CFAP44: variants seen among roughly 807,000 people sequenced by gnomAD.
CFAP44 encodes cilia- and flagella-associated protein 44.
Under a neutral mutation model 216.2 loss-of-function variants are expected in CFAP44, and 134 were observed. That is an observed-to-expected ratio of 0.62 (90% CI 0.54 to 0.72). CFAP44 has a LOEUF of 0.72. Among genes scored for constraint, CFAP44 ranks in the 30% least tolerant of loss-of-function variants. CFAP44 has a pLI of 0.00. For missense variants in CFAP44, 2,035 were observed against 2,182.1 expected (o/e 0.93, Z 1.34); for synonymous variants, 700 against 727.6 (o/e 0.96, Z 0.61).
intron 17 of CFAP44, 111 bp downstream of exon 17, chr3:113,379,195 A>G: frequency 1.1e-6 from 1 of 874,196 alleles, no homozygotes; most frequent in Non-Finnish European, 1.6e-6. Flanking sequence ...TCTAAAAAAA[A>G]ATAAATAGAT....
intron 22 of CFAP44, among the ~76,000 whole-genome samples, chr3:113,346,745 A>G (rs185660779): frequency 1.3e-5 from 2 of 152,358 alleles, no homozygotes; most frequent in Non-Finnish European, 2.9e-5. Context: ...ACCAATCAGC[A>G]CTCTGTAAAA....
At chr3:113,410,035 T>G (rs1402286562) in intron 6 of CFAP44, among the ~76,000 whole-genome samples, 1 of 152,232 alleles carries the variant, frequency 6.6e-6, no homozygotes. Context: ...ATCGACTCCT[T>G]GTTTAGCATA....
chr3:113,430,788 AC>A (rs1277458345), intron 2 of CFAP44, among the ~76,000 whole-genome samples: 1 of 152,198 alleles, frequency 6.6e-6, no homozygotes. Flanking sequence ...AAGAAATAAT[AC>A]CAATTCTACA....
intron 29 of CFAP44, among the ~76,000 whole-genome samples, chr3:113,307,698 G>T (rs1018811686): frequency 1.3e-5 from 2 of 152,194 alleles, no homozygotes; most frequent in Non-Finnish European, 2.9e-5. Context: ...AGCTAGGCAC[G>T]ATGGCTCACG....
Position 113,385,877 on chromosome 3 carries a change from C to T in CFAP44, c.1891-4817G>A, listed in dbSNP as rs374599460. Among the ~76,000 whole-genome samples, 6 of 152,036 alleles carry T rather than the reference C, an allele frequency of 3.9e-5. No individual in the cohort carries two copies. In the East Asian group the frequency reaches 1.2e-3, roughly 29 times the overall value. On this transcript the variant is annotated intron_variant, in intron 15 of 34. Coordinates refer to ENST00000393845, the MANE Select transcript of CFAP44 (RefSeq NM_001164496.2). ...CAGGCTTGTCTCAAACTCCTGACCT[C>T]AGGTGATCTGCCTGCCTCAGCCTCC... is the stretch of plus-strand genomic sequence containing the variant.
intron 7 of CFAP44, among the ~76,000 whole-genome samples, chr3:113,408,881 A>AC (rs540235827): frequency 7.0e-6 from 1 of 143,106 alleles, no homozygotes; most frequent in Admixed American, 7.0e-5. Flanking sequence ...AAAAAAAAAA[A>AC]AGCCCTTATT....
Position 113,333,504 on chromosome 3 carries a change from C to T in CFAP44, c.3517G>A (p.Asp1173Asn), listed in dbSNP as rs1239228304. 6.5e-7 allele frequency: 1 copy of T among 1,537,094 alleles called. No homozygotes were observed. Among genetic ancestry groups the T allele is most frequent in the Non-Finnish European group, 8.7e-7 (1 of 1,146,870 alleles). The change falls in exon 25 of 35, where the codon GAT (aspartate) becomes AAT (asparagine). Residue 1173 changes from aspartate to asparagine, a missense_variant. By Grantham distance (23) the Asp-to-Asn change is conservative. Transcript: ENST00000393845. The part of the protein sequence containing the change: ...AIKEAQVYMG[D>N]FNLKTAPDYK... ...TCTGGGGCTGTCTTCAGATTGAAAT[C>T]TCCCATATACACCTGGGCTTCTTTG...
intron 9 of CFAP44, 24 bp from the exon 10 acceptor site, chr3:113,401,763 T>A (rs776283694): frequency 6.3e-7 from 1 of 1,581,654 alleles, no homozygotes; most frequent in South Asian, 1.2e-5. Context: ...AAGAAAATAC[T>A]TTAATCGATC....
At chr3:113,323,560 C>T (rs749589578) in intron 28 of CFAP44, among the ~76,000 whole-genome samples, 38 of 152,004 alleles carry the variant, frequency 2.5e-4, no homozygotes, top group Admixed American at 1.1e-3. Flanking sequence ...AACAATCCTG[C>T]ACATATACCG....
chr3:113,342,489 T>C (rs1227319004), intron 23 of CFAP44, among the ~76,000 whole-genome samples: 2 of 152,168 alleles, frequency 1.3e-5, no homozygotes, highest in African/African-American at 2.4e-5. Context: ...AGATAAGATA[T>C]ATAATAAACA....
In CFAP44 at chr3:113,329,759, AG is replaced by A. The variant is rs1394410961; in HGVS notation, c.4116+408del. ...GGAACAAACCACATATTAGAGAAAAAGGATGGTGTGAAAAGCAGAGGGTGCC... is the reference window on the plus strand; with the variant it reads ...GGAACAAACCACATATTAGAGAAAAAGATGGTGTGAAAAGCAGAGGGTGCC... On this transcript the variant is annotated intron_variant, in intron 26 of 34. Coordinates refer to ENST00000393845, the MANE Select transcript of CFAP44 (RefSeq NM_001164496.2). 2.6e-5 allele frequency among the ~76,000 whole-genome samples: 4 copies of A among 152,308 alleles called. No individual in the cohort carries two copies. The East Asian group carries it at 7.7e-4, about 29-fold the overall frequency.
intron 1 of CFAP44, among the ~76,000 whole-genome samples, chr3:113,440,197 G>A (rs1017731886): frequency 1.2e-4 from 19 of 152,046 alleles, no homozygotes; most frequent in Admixed American, 3.3e-4. Flanking sequence ...CCGAGTAGCT[G>A]CGATTACAGG....
chr3:113,330,340 C>A lies in CFAP44; in HGVS notation c.3944G>T (p.Gly1315Val). 6.5e-7 allele frequency: 1 copy of A among 1,537,264 alleles called. No homozygotes were observed. The highest frequency in any genetic ancestry group is 8.7e-7 in the Non-Finnish European group (1 of 1,146,904). ...TATTGAATCACGGGTTGTCAAATCC[C>A]CATCCTTTCTAGAAGAGAGTTTGAG... ...GFLKLSSRKD[G>V]DLTTRDSISR... is the part of the protein sequence containing the mutation. The change falls in exon 26 of 35, where the codon GGG becomes GTG. Residue 1315 changes from glycine to valine, a missense_variant. Physicochemically the swap from Gly to Val is moderately radical, Grantham distance 109. Around this residue, in one of 3 missense-constraint regions of CFAP44, gnomAD observed 1,883 missense variants for 2,023.7 expected, o/e 0.93. Transcript: ENST00000393845.
intron 28 of CFAP44, among the ~76,000 whole-genome samples, chr3:113,322,304 A>T (rs1950152610): frequency 1.3e-5 from 2 of 152,216 alleles, no homozygotes; most frequent in Admixed American, 1.3e-4. Flanking sequence ...GTGTTGGGAT[A>T]ACTGGCTAGC....
At chr3:113,345,925 ACTAT>A (rs1950377043) in intron 22 of CFAP44, among the ~76,000 whole-genome samples, 1 of 152,118 alleles carries the variant, frequency 6.6e-6, no homozygotes. Context: ...TTTCATACAT[ACTAT>A]CTTTCTCATC....
chr3:113,409,394 A>G (rs1934390026), intron 6 of CFAP44, 72 bp from the exon 7 acceptor site: 2 of 1,399,212 alleles, frequency 1.4e-6, no homozygotes, highest in Non-Finnish European at 2.0e-6. Flanking sequence ...TTGTAAAAAA[A>G]AGAGAGGGAG....
chr3:113,415,575 T>C (rs963126635), intron 6 of CFAP44, among the ~76,000 whole-genome samples: 8 of 152,196 alleles, frequency 5.3e-5, no homozygotes, highest in African/African-American at 9.7e-5. Flanking sequence ...TTTGTTCTCA[T>C]TGGTTTCAAA....
chr3:113,341,434 A>G (rs949472482), intron 24 of CFAP44, among the ~76,000 whole-genome samples: 3 of 152,230 alleles, frequency 2.0e-5, no homozygotes, highest in Non-Finnish European at 2.9e-5. Flanking sequence ...AAGAACATAC[A>G]GGAGAATATG....
intron 17 of CFAP44, among the ~76,000 whole-genome samples, chr3:113,374,820 G>A (rs920636252): frequency 2.0e-5 from 3 of 152,168 alleles, no homozygotes; most frequent in African/African-American, 7.2e-5. Flanking sequence ...ATTTTTAGTA[G>A]AGATGCGGTT....
Sources: gnomAD v4.1 joint callset for allele counts (sites outside exome capture counted in the v4.1 genomes callset) on GRCh38, gnomAD v4.1.1 for gene constraint, gnomAD v4.1.1 regional missense constraint, MANE v1.5 for transcripts, NCBI Gene and HGNC (gene_info 2026-07-23, HGNC 2026-07-21) for gene names.